Variants in LIMK2 observed in about 807,000 individuals in gnomAD.
The protein encoded by LIMK2 is LIM domain kinase 2.
Under a neutral mutation model 75.7 loss-of-function variants are expected in LIMK2, and 35 were observed. The observed-to-expected ratio is 0.46, with a 90% CI of 0.35 to 0.61. The LOEUF (loss-of-function observed/expected upper bound fraction) is 0.61, where lower values mean the gene tolerates loss of function less well. Among genes scored for constraint, LIMK2 ranks in the 20% least tolerant of loss-of-function variants. The pLI is 0.00. For missense variants in LIMK2, 623 were observed against 831.0 expected (o/e 0.75, Z 3.08); for synonymous variants, 301 against 319.2 (o/e 0.94, Z 0.61).
chr22:31,238,114 CAAAAA>C (rs34428618), intron 2 of LIMK2, among the ~76,000 whole-genome samples: 1 of 80,566 alleles, frequency 1.2e-5, no homozygotes, highest in Non-Finnish European at 2.8e-5. Context: ...GACACTGTCT[CAAAAA>C]AAAAAAAAAA....
At chr22:31,220,549 C>G (rs988866701) in intron 1 of LIMK2, among the ~76,000 whole-genome samples, 1 of 152,004 alleles carries the variant, frequency 6.6e-6, no homozygotes, top group Non-Finnish European at 1.5e-5. Flanking sequence ...GAGAGAGGGA[C>G]TGAAGGAGAG....
chr22:31,212,624 C>T (rs891447071), intron 1 of LIMK2, among the ~76,000 whole-genome samples, 200 bp downstream of exon 1: 1 of 151,870 alleles, frequency 6.6e-6, no homozygotes, highest in Admixed American at 6.6e-5. Flanking sequence ...AATGGGGAGG[C>T]AGGGCATCCT....
In LIMK2 at chr22:31,262,433, T is replaced by C. The variant is rs1404804584; in HGVS notation, c.658-162T>C. ...AGGGATGGTTGATGGACGGGAGAGCTGACAGGATGCCAGGCAGAGGGCACT... is the reference window on the plus strand; with the variant it reads ...AGGGATGGTTGATGGACGGGAGAGCCGACAGGATGCCAGGCAGAGGGCACT... On this transcript the variant is annotated intron_variant, in intron 6 of 15. Transcript: ENST00000331728. This position sits in a 1 kb window ranked among gnomAD's most constrained non-coding sequence, Gnocchi z 5.0. Among the ~76,000 whole-genome samples the C allele has an allele frequency of 6.6e-6, 1 of 152,142 alleles. No individual in the cohort carries two copies. Among genetic ancestry groups the C allele is most frequent in the African/African-American group, 2.4e-5 (1 of 41,426 alleles).
intron 12 of LIMK2, 122 bp from the exon 13 acceptor site, chr22:31,272,408 G>C (rs1352686785): frequency 1.3e-5 from 12 of 916,662 alleles, no homozygotes; most frequent in African/African-American, 5.0e-5. Context: ...TTTCTGCTCT[G>C]ATTCTCCCTT....
At chr22:31,258,205 T>C in intron 2 of LIMK2, 86 bp from the exon 3 acceptor site, 8 of 1,399,672 alleles carry the variant, frequency 5.7e-6, no homozygotes, top group Non-Finnish European at 7.8e-6. Context: ...CTGTCCATTT[T>C]GTTGTCATAC....
At chr22:31,273,535 G>A (rs751655937) in intron 14 of LIMK2, 28 bp downstream of exon 14, 14 of 1,599,580 alleles carry the variant, frequency 8.8e-6, no homozygotes, top group Middle Eastern at 1.7e-4. Flanking sequence ...GGCCATGCCC[G>A]AGGCAGCAGG....
chr22:31,225,716 G>C lies in LIMK2; in HGVS notation c.17-4G>C. 6.2e-7 allele frequency: 1 copy of C among 1,613,012 alleles called. No homozygotes were observed. The highest frequency in any genetic ancestry group is 8.5e-7 in the Non-Finnish European group (1 of 1,179,260). On this transcript the variant is annotated splice_region_variant and splice_polypyrimidine_tract_variant and intron_variant, in intron 1 of 15. Transcript: ENST00000331728. Reference sequence around the variant, plus strand: ...GCCTCTCAACCTCTTGGTTTTGTGTGCAGGTGAAGATGTCTGGAGGTGTCC... The same window carrying C: ...GCCTCTCAACCTCTTGGTTTTGTGTCCAGGTGAAGATGTCTGGAGGTGTCC...
At position 31,268,085 on chromosome 22, in the gene LIMK2, C is replaced by A. The variant is rs199536942; in HGVS notation, c.1261-59C>A. 158 of 1,565,700 alleles carry A rather than the reference C, an allele frequency of 1.0e-4. 1 individual carries two copies. The East Asian group carries it at 3.5e-3, about 35-fold the overall frequency. ...TGGGAGACCACATTGACCCATGGGG[C>A]CTGGACCACGAGTGGGACAGGGCTC... On this transcript the variant is annotated intron_variant, in intron 10 of 15. Transcript: ENST00000331728.
chr22:31,253,786 T>C (rs1375061444), intron 2 of LIMK2, among the ~76,000 whole-genome samples: 2 of 152,224 alleles, frequency 1.3e-5, no homozygotes, highest in Non-Finnish European at 2.9e-5. Flanking sequence ...CCTGCTACCG[T>C]AGGGTTGTCA....
intron 2 of LIMK2, among the ~76,000 whole-genome samples, chr22:31,257,160 G>A (rs766704421): frequency 1.3e-5 from 2 of 149,010 alleles, no homozygotes; most frequent in African/African-American, 4.9e-5. Context: ...CCAAAGTGCT[G>A]GGATTAGAGG....
At chr22:31,273,321 C>A (rs954805230) in intron 13 of LIMK2, 131 bp from the exon 14 acceptor site, 1 of 787,918 alleles carries the variant, frequency 1.3e-6, no homozygotes, top group Non-Finnish European at 2.1e-6. Context: ...CTGCGCAGGA[C>A]AGCCTGTGGG....
intron 8 of LIMK2, 83 bp from the exon 9 acceptor site, chr22:31,266,901 A>C: frequency 5.3e-5 from 48 of 900,644 alleles, no homozygotes; most frequent in Non-Finnish European, 7.5e-5. Context: ...AAGGGATGGG[A>C]TGGCCAGCTG....
intron 2 of LIMK2, 68 bp from the exon 3 acceptor site, chr22:31,258,223 C>T: frequency 6.7e-7 from 1 of 1,497,786 alleles, no homozygotes; most frequent in Non-Finnish European, 9.0e-7. Context: ...TACCTAGGAA[C>T]CAGGGACAGC....
intron 1 of LIMK2, among the ~76,000 whole-genome samples, chr22:31,220,682 G>T (rs901809760): frequency 6.6e-6 from 1 of 152,230 alleles, no homozygotes; most frequent in African/African-American, 2.4e-5. Flanking sequence ...TGATTAAGGG[G>T]CCGGGAGCAG....
At position 31,212,349 on chromosome 22, in the gene LIMK2, A is replaced by C; in HGVS notation, c.-60A>C. 1.5e-6 allele frequency: 2 copies of C among 1,323,352 alleles called. No homozygotes were observed. Among genetic ancestry groups the C allele is most frequent in the Non-Finnish European group, 9.7e-7 (1 of 1,027,892 alleles). 82.0% of individuals were successfully genotyped at this position (1,323,352 alleles called of 1,614,324 possible). Reference sequence around the variant, plus strand: ...GCAGGAGCTGAGGGGAGTTGTAGGGAACTGAGGGGAGCTGCTGTGTCCCCC... The same window carrying C: ...GCAGGAGCTGAGGGGAGTTGTAGGGCACTGAGGGGAGCTGCTGTGTCCCCC... On this transcript the variant is annotated 5_prime_UTR_variant, in exon 1 of 16. Transcript: ENST00000331728.
Position 31,225,949 on chromosome 22 carries a change from C to T in LIMK2, c.116+130C>T, listed in dbSNP as rs1481257550. ...ATCTTAGGGTGGGGAAAGGAATGTACCAAGGAAGAGCTCATGACCAAACCT... is the reference window on the plus strand; with the variant it reads ...ATCTTAGGGTGGGGAAAGGAATGTATCAAGGAAGAGCTCATGACCAAACCT... On this transcript the variant is annotated intron_variant, in intron 2 of 15. Coordinates refer to ENST00000331728, the MANE Select transcript of LIMK2 (RefSeq NM_005569.4). 6.8e-6 allele frequency: 5 copies of T among 735,614 alleles called. No homozygotes were observed. In the South Asian group the frequency reaches 8.3e-5, roughly 12 times the overall value. The allele number at this position is 735,614 out of a possible 1,614,324, so 45.6% of individuals were successfully genotyped here.
chr22:31,243,676 A>G (rs1483203524), intron 2 of LIMK2, among the ~76,000 whole-genome samples: 1 of 152,164 alleles, frequency 6.6e-6, no homozygotes. Context: ...TTTTATCCCT[A>G]CTATAATTGC....
At position 31,259,223 on chromosome 22, in the gene LIMK2, C is replaced by T; in HGVS notation, c.355C>T (p.Leu119Phe). The change falls in exon 4 of 16, where the codon CTC becomes TTC. Residue 119 changes from leucine (L) to phenylalanine (F), a missense_variant. By Grantham distance (22) the Leu-to-Phe change is conservative. Coordinates refer to ENST00000331728, the MANE Select transcript of LIMK2 (RefSeq NM_005569.4). The part of the protein sequence containing the change: ...DAYALVQHAT[L>F]YCGKCHNEVV... ...ATATGCACTGGTGCAGCATGCCACC[C>T]TCTACTGGTAAGATAGTGGTCCTTT... 1.3e-6 allele frequency: 2 copies of T among 1,596,066 alleles called. No individual in the cohort carries two copies. The highest frequency in any genetic ancestry group is 8.6e-7 in the Non-Finnish European group (1 of 1,163,640).
intron 1 of LIMK2, among the ~76,000 whole-genome samples, chr22:31,222,318 G>A (rs541276947): frequency 3.0e-3 from 431 of 144,422 alleles, no homozygotes; most frequent in African/African-American, 0.011. Flanking sequence ...TGATCCACCC[G>A]CCTCAGCCTC....
Sources: gnomAD v4.1 joint callset for allele counts (sites outside exome capture counted in the v4.1 genomes callset) on GRCh38, gnomAD v4.1.1 for gene constraint, Gnocchi (gnomAD v3.1) non-coding constraint, MANE v1.5 for transcripts, NCBI Gene and HGNC (gene_info 2026-07-23, HGNC 2026-07-21) for gene names.